The following KLF12 variants were observed in gnomAD, a reference collection of about 807,000 sequenced individuals.
KLF12 encodes the protein Krueppel-like factor 12.
KLF12 carries 9 observed loss-of-function variants against 37.8 expected under a neutral mutation model. That is an observed-to-expected ratio of 0.24 (90% CI 0.14 to 0.42). The LOEUF is 0.42. Among genes scored for constraint, KLF12 ranks in the 10% least tolerant of loss-of-function variants. KLF12 has a pLI of 1.00. For missense variants in KLF12, 411 were observed against 516.0 expected (o/e 0.80, Z 1.97); for synonymous variants, 208 against 202.1 (o/e 1.03, Z -0.25).
In KLF12 at chr13:73,992,887, GT is replaced by G. The variant is rs1410528221; in HGVS notation, c.33+2102del. On this transcript the variant is annotated intron_variant, in intron 2 of 7. Coordinates refer to ENST00000377669, the MANE Select transcript of KLF12 (RefSeq NM_007249.5). ...AAAAACAAGCATCAATGTATTCTCTGTTCAAACGCATCTACAATGGATAAAA... is the reference window on the plus strand; with the variant it reads ...AAAAACAAGCATCAATGTATTCTCTGTCAAACGCATCTACAATGGATAAAA... Among the ~76,000 whole-genome samples, 6 of 152,272 alleles carry G rather than the reference GT, an allele frequency of 3.9e-5. No homozygotes were observed. The East Asian group carries it at 1.2e-3, about 29-fold the overall frequency.
At chr13:73,702,412 C>A (rs1352615584) in intron 7 of KLF12, among the ~76,000 whole-genome samples, 1 of 152,144 alleles carries the variant, frequency 6.6e-6, no homozygotes, top group Admixed American at 6.5e-5. Flanking sequence ...CCTCCCATTT[C>A]GCCATCTGAA....
At chr13:73,773,254 G>T (rs1214979636) in intron 5 of KLF12, among the ~76,000 whole-genome samples, 1 of 151,994 alleles carries the variant, frequency 6.6e-6, no homozygotes, top group Non-Finnish European at 1.5e-5. Context: ...CAGAGAACAG[G>T]ACATCTTCTC....
the KLF12 span, among the ~76,000 whole-genome samples, chr13:74,297,341 G>C: frequency 1.3e-5 from 2 of 152,290 alleles, no homozygotes; most frequent in African/African-American, 2.4e-5. Context: ...GAAACACTGG[G>C]TTTAAAAAAT....
chr13:74,038,243 G>A (rs1208040229), intron 1 of KLF12, among the ~76,000 whole-genome samples: 1 of 152,074 alleles, frequency 6.6e-6, no homozygotes, highest in Non-Finnish European at 1.5e-5. Context: ...AATGGGAGGG[G>A]GAATTCCTGT....
At chr13:74,055,936 G>A (rs1873221045) in intron 1 of KLF12, among the ~76,000 whole-genome samples, 1 of 152,156 alleles carries the variant, frequency 6.6e-6, no homozygotes, top group African/African-American at 2.4e-5. Context: ...GTGGGTAACA[G>A]AGGCAGAAGA....
At chr13:74,160,578 CAG>C in the KLF12 span, among the ~76,000 whole-genome samples, 1 of 152,272 alleles carries the variant, frequency 6.6e-6, no homozygotes, top group East Asian at 1.9e-4. Flanking sequence ...AAATGAGCCA[CAG>C]GGGGAGAAAA....
chr13:73,820,987 A>T lies in KLF12; in HGVS notation c.671-7700T>A, dbSNP rs567107323. Among the ~76,000 whole-genome samples the T allele has an allele frequency of 5.0e-4, 76 of 152,268 alleles. 1 individual carries two copies. The South Asian group carries it at 0.015, about 31-fold the overall frequency. ...TTATTCAGCCATGGTCATTTACTTCATATCTGGCATCTTTAGTGCTACAAA... is the reference window on the plus strand; with the variant it reads ...TTATTCAGCCATGGTCATTTACTTCTTATCTGGCATCTTTAGTGCTACAAA... On this transcript the variant is annotated intron_variant, in intron 4 of 7. Coordinates refer to ENST00000377669, the MANE Select transcript of KLF12 (RefSeq NM_007249.5).
chr13:74,004,345 A>G (rs989137814), intron 1 of KLF12, among the ~76,000 whole-genome samples: 3 of 152,218 alleles, frequency 2.0e-5, no homozygotes, highest in African/African-American at 7.2e-5. Context: ...TTGTCTATTA[A>G]CTTGCATTAA....
chr13:74,164,961 T>A, the KLF12 span, among the ~76,000 whole-genome samples: 4 of 152,212 alleles, frequency 2.6e-5, no homozygotes, highest in East Asian at 7.7e-4. Context: ...TATAGTTAGA[T>A]AGAATGAATA....
the KLF12 span, among the ~76,000 whole-genome samples, chr13:74,178,555 T>C: frequency 3.3e-5 from 5 of 152,218 alleles, no homozygotes; most frequent in East Asian, 7.7e-4. Context: ...AGGAGTTCCA[T>C]GTGCTTCTTT....
At chr13:73,796,352 T>C (rs1019495193) in intron 5 of KLF12, among the ~76,000 whole-genome samples, 1 of 145,664 alleles carries the variant, frequency 6.9e-6, no homozygotes, top group Non-Finnish European at 1.5e-5. Context: ...ACTAGATCTG[T>C]ACTATCTCTA....
At chr13:74,293,686 G>A in the KLF12 span, among the ~76,000 whole-genome samples, 3 of 152,086 alleles carry the variant, frequency 2.0e-5, no homozygotes, top group African/African-American at 2.4e-5. Flanking sequence ...CATTCCAAAC[G>A]AGCAGTTCAA....
chr13:73,841,269 T>G lies in KLF12; in HGVS notation c.670+4558A>C, dbSNP rs543510096. On this transcript the variant is annotated intron_variant, in intron 4 of 7. Coordinates refer to ENST00000377669, the MANE Select transcript of KLF12 (RefSeq NM_007249.5). ...AGGCAATAATGAACCAAGAATAACT[T>G]TGCCTGAGATCTGTCTTGACCCTCT... is the stretch of plus-strand genomic sequence containing the variant. Among the ~76,000 whole-genome samples, 4 of 152,224 alleles carry G rather than the reference T, an allele frequency of 2.6e-5. No homozygotes were observed. In the East Asian group the frequency reaches 7.7e-4, roughly 29 times the overall value.
intron 3 of KLF12, among the ~76,000 whole-genome samples, chr13:73,917,434 T>C (rs1888901296): frequency 6.6e-6 from 1 of 152,196 alleles, no homozygotes; most frequent in Non-Finnish European, 1.5e-5. Context: ...TAGAAATCTA[T>C]TATTTTTAAA....
intron 2 of KLF12, among the ~76,000 whole-genome samples, chr13:73,988,699 C>G (rs1005108147): frequency 1.3e-5 from 2 of 152,182 alleles, no homozygotes; most frequent in African/African-American, 4.8e-5. Flanking sequence ...AGAAGAACAC[C>G]TGGTACCCAT....
intron 1 of KLF12, among the ~76,000 whole-genome samples, chr13:74,098,188 T>C (rs1269019193): frequency 5.3e-5 from 8 of 152,202 alleles, no homozygotes; most frequent in Non-Finnish European, 4.4e-5. Context: ...CTGTTTATCA[T>C]ACACAGCTGA....
intron 3 of KLF12, among the ~76,000 whole-genome samples, chr13:73,917,597 T>C (rs1043240935): frequency 6.6e-6 from 1 of 152,228 alleles, no homozygotes; most frequent in Non-Finnish European, 1.5e-5. Context: ...TGGCAGATCA[T>C]TCTTAAGACT....
chr13:74,076,236 C>T (rs956915463), intron 1 of KLF12, among the ~76,000 whole-genome samples: 3 of 152,134 alleles, frequency 2.0e-5, no homozygotes, highest in Non-Finnish European at 4.4e-5. Flanking sequence ...TAAAATACGA[C>T]TGTTTTCATA....
At chr13:73,821,514 C>T (rs1216599095) in intron 4 of KLF12, among the ~76,000 whole-genome samples, 3 of 152,184 alleles carry the variant, frequency 2.0e-5, no homozygotes, top group East Asian at 1.9e-4. Flanking sequence ...AAATCGGATG[C>T]TAAGTGCTCT....
Sources: allele counts gnomAD v4.1 joint callset (sites outside exome capture counted in the v4.1 genomes callset), GRCh38; gene constraint gnomAD v4.1.1; transcripts MANE v1.5; gene names NCBI Gene and HGNC (gene_info 2026-07-23, HGNC 2026-07-21).